The following HECW1 variants were observed in gnomAD, a reference collection of about 807,000 sequenced individuals.
HECW1 encodes the protein HECT, C2 and WW domain containing E3 ubiquitin protein ligase 1.
A neutral mutation model predicts 182.3 loss-of-function variants in HECW1; 61 were observed. The ratio of observed to expected loss-of-function variants is 0.33; its 90% CI spans 0.27 to 0.41. HECW1 has a LOEUF of 0.41. Among genes scored for constraint, HECW1 ranks in the 10% least tolerant of loss-of-function variants. The probability of loss-of-function intolerance (pLI) is 1.00; values close to 1 mark genes in which losing one functional copy is unlikely to be tolerated. For synonymous variants in HECW1, 859 were observed against 832.6 expected (o/e 1.03, Z -0.55); for missense variants, 1,739 against 2,108.9 (o/e 0.82, Z 3.44).
chr7:43,307,998 A>T (rs1180895258), intron 3 of HECW1, among the ~76,000 whole-genome samples: 4 of 117,584 alleles, frequency 3.4e-5, no homozygotes, highest in African/African-American at 1.3e-4. Context: ...TATAATATAT[A>T]ATATATAATA....
rs186861122 is a variant in HECW1 at position 43,483,852 on chromosome 7, A to T, written c.3234+4108A>T. 2.0e-5 allele frequency among the ~76,000 whole-genome samples: 3 copies of T among 152,098 alleles called. No individual in the cohort carries two copies. The East Asian group carries it at 5.8e-4, about 29-fold the overall frequency. On this transcript the variant is annotated intron_variant, in intron 17 of 29. Transcript: ENST00000395891. ...ACGTGAGCCACCACGCCCAGCCACA[A>T]ACTTATATTTTTAAAAGAAGACAAT...
intron 16 of HECW1, among the ~76,000 whole-genome samples, chr7:43,479,248 C>T (rs117323658): frequency 0.016 from 2,461 of 152,216 alleles, 30 homozygotes; most frequent in Non-Finnish European, 0.026. Flanking sequence ...TAACGAGAGA[C>T]GGTGACAGAT....
rs371361987 is a variant in HECW1 at position 43,438,009 on chromosome 7, A to T, written c.808A>T (p.Ser270Cys). 25 of 1,613,912 alleles carry T rather than the reference A, an allele frequency of 1.5e-5. No individual in the cohort carries two copies. The Admixed American group carries it at 1.7e-4, about 11-fold the overall frequency. ...VNPIWQAEQF[S>C]FVSLPTDVLE... ...ACATATTCTTTCATTGCAGCAATTC[A>T]GTTTTGTGTCCTTGCCCACTGACGT... The change falls in exon 9 of 30, where the codon AGT becomes TGT. Residue 270 changes from serine to cysteine, a missense_variant. Physicochemically the swap from Ser to Cys is moderately radical, Grantham distance 112. Transcript: ENST00000395891.
intron 10 of HECW1, among the ~76,000 whole-genome samples, chr7:43,443,866 T>C (rs771085148): frequency 6.6e-6 from 1 of 152,226 alleles, no homozygotes; most frequent in African/African-American, 2.4e-5. Context: ...ATAACACCAC[T>C]ACTACCCTCA....
intron 2 of HECW1, among the ~76,000 whole-genome samples, chr7:43,151,616 C>G (rs1789334058): frequency 6.6e-6 from 1 of 152,098 alleles, no homozygotes; most frequent in East Asian, 1.9e-4. Context: ...TGAAGGAGCC[C>G]CACTGATATT....
chr7:43,252,951 C>T (rs1341199612), intron 3 of HECW1, among the ~76,000 whole-genome samples: 3 of 152,156 alleles, frequency 2.0e-5, no homozygotes, highest in Non-Finnish European at 4.4e-5. Flanking sequence ...AGTCCAGTGG[C>T]CAACCTTGGT....
At chr7:43,270,876 T>C (rs1163338941) in intron 3 of HECW1, among the ~76,000 whole-genome samples, 1 of 152,202 alleles carries the variant, frequency 6.6e-6, no homozygotes, top group Non-Finnish European at 1.5e-5. Flanking sequence ...ATCTTAGTTA[T>C]AAAGTACCTA....
At chr7:43,129,015 G>A (rs374879034) in intron 2 of HECW1, among the ~76,000 whole-genome samples, 5 of 152,276 alleles carry the variant, frequency 3.3e-5, no homozygotes, top group African/African-American at 1.2e-4. Flanking sequence ...GATGAGCAAG[G>A]AAAGTGATTT....
Position 43,407,704 on chromosome 7 carries a change from C to A in HECW1, c.774C>A (p.Asn258Lys). The A allele has an allele frequency of 6.2e-7, 1 of 1,613,646 alleles. No individual in the cohort carries two copies. The highest frequency in any genetic ancestry group is 8.5e-7 in the Non-Finnish European group (1 of 1,179,724). The change falls in exon 8 of 30, where the codon AAC becomes AAA. Residue 258 changes from asparagine to lysine, a missense_variant. Coordinates refer to ENST00000395891, the MANE Select transcript of HECW1 (RefSeq NM_015052.5). ...AGAGGAGATCCAAGATCATAGGCAA[C>A]ACCGTGAACCCCATCTGGCAGGCCG... ...GQERRSKIIG[N>K]TVNPIWQAEQ...
Position 43,243,844 on chromosome 7 carries a change from G to T in HECW1, c.-31-31G>T. 4 of 1,561,362 alleles carry T rather than the reference G, an allele frequency of 2.6e-6. No individual in the cohort carries two copies. The highest frequency in any genetic ancestry group is 3.5e-6 in the Non-Finnish European group (4 of 1,131,986). On this transcript the variant is annotated intron_variant, in intron 2 of 29. Transcript: ENST00000395891. The surrounding 1 kb of genome is among the most constrained non-coding windows in gnomAD (Gnocchi z 4.0). ...CTGATTTTGTTTGCTTGGGATACACGCTAAGTTAACCTCGTTGGACTTTTC... is the reference window on the plus strand; with the variant it reads ...CTGATTTTGTTTGCTTGGGATACACTCTAAGTTAACCTCGTTGGACTTTTC...
chr7:43,165,402 G>C (rs1790997565), intron 2 of HECW1, among the ~76,000 whole-genome samples: 2 of 151,112 alleles, frequency 1.3e-5, no homozygotes, highest in Non-Finnish European at 2.9e-5. Context: ...TTTGGCGGGG[G>C]GGGGTGTTTG....
At chr7:43,165,657 C>T (rs895699581) in intron 2 of HECW1, among the ~76,000 whole-genome samples, 2 of 152,060 alleles carry the variant, frequency 1.3e-5, no homozygotes, top group Non-Finnish European at 1.5e-5. Flanking sequence ...CATACATAGG[C>T]GTTGTGAGCC....
chr7:43,131,887 T>C (rs1307026759), intron 2 of HECW1, among the ~76,000 whole-genome samples: 1 of 152,206 alleles, frequency 6.6e-6, no homozygotes, highest in Non-Finnish European at 1.5e-5. Context: ...CCCTTTGTCC[T>C]TCTGTCTCCT....
At chr7:43,402,345 G>A (rs897715493) in intron 7 of HECW1, among the ~76,000 whole-genome samples, 25 of 152,116 alleles carry the variant, frequency 1.6e-4, no homozygotes, top group Admixed American at 9.8e-4. Flanking sequence ...CACTCACTCC[G>A]GTTCCTGCAC....
chr7:43,135,959 C>T (rs1205826523), intron 2 of HECW1, among the ~76,000 whole-genome samples: 1 of 147,184 alleles, frequency 6.8e-6, no homozygotes, highest in Non-Finnish European at 1.5e-5. Context: ...TTTCAGGATG[C>T]AAAATAGATA....
intron 3 of HECW1, among the ~76,000 whole-genome samples, chr7:43,248,249 C>G (rs887917436): frequency 6.6e-6 from 1 of 152,154 alleles, no homozygotes; most frequent in African/African-American, 2.4e-5. Flanking sequence ...AGCAACACCC[C>G]TCTCCTGACA....
At chr7:43,551,349 A>G (rs71540537) in intron 27 of HECW1, among the ~76,000 whole-genome samples, 1 of 152,202 alleles carries the variant, frequency 6.6e-6, no homozygotes, top group African/African-American at 2.4e-5. Context: ...GAAGGAAAAG[A>G]CAAATTTCCA....
chr7:43,535,318 A>G (rs1476477390), intron 24 of HECW1, among the ~76,000 whole-genome samples: 4 of 152,226 alleles, frequency 2.6e-5, no homozygotes, highest in African/African-American at 4.8e-5. Flanking sequence ...CCCAGATGGA[A>G]CTATGAGAAA....
Position 43,445,332 on chromosome 7 carries a change from C to T in HECW1, c.2160C>T (p.Ser720=), listed in dbSNP as rs183902396. ...GNRFASHTRF[S]SVDSAKISES... is the part of the protein sequence containing the mutation. ...GGTTCGCCAGCCACACGCGCTTCTC[C>T]TCCGTGGACAGCGCCAAGATCTCCG... is the stretch of plus-strand genomic sequence containing the variant. Residue 720 remains serine, a synonymous_variant, in exon 11 of 30, where the codon TCC becomes TCT. Coordinates refer to ENST00000395891, the MANE Select transcript of HECW1 (RefSeq NM_015052.5). The T allele has an allele frequency of 1.0e-4, 161 of 1,613,852 alleles. No individual in the cohort carries two copies. The highest frequency in any genetic ancestry group is 4.9e-4 in the Middle Eastern group (3 of 6,062).
Sources: allele counts gnomAD v4.1 joint callset (sites outside exome capture counted in the v4.1 genomes callset), GRCh38; gene constraint gnomAD v4.1.1; non-coding constraint Gnocchi (gnomAD v3.1); transcripts MANE v1.5; gene names NCBI Gene and HGNC (gene_info 2026-07-23, HGNC 2026-07-21).